GSTCD: variants seen among roughly 807,000 people sequenced by gnomAD.
GSTCD encodes glutathione S-transferase C-terminal domain-containing protein.
GSTCD carries 44 observed loss-of-function variants against 68.3 expected under a neutral mutation model. The ratio of observed to expected loss-of-function variants is 0.64; its 90% CI spans 0.51 to 0.83. The LOEUF is 0.83. Ranked by LOEUF, GSTCD falls within the 40% of genes least tolerant of loss-of-function variation. The probability of loss-of-function intolerance (pLI) is 0.00; values close to 1 mark genes in which losing one functional copy is unlikely to be tolerated. For synonymous variants in GSTCD, 273 were observed against 255.2 expected, an observed-to-expected ratio of 1.07 and a Z score of -0.67; for missense variants, 739 against 735.9, an observed-to-expected ratio of 1.00 and a Z score of -0.05.
intron 10 of GSTCD, among the ~76,000 whole-genome samples, chr4:105,841,151 TA>T (rs1240910726): frequency 2.0e-5 from 3 of 151,418 alleles, no homozygotes; most frequent in Non-Finnish European, 2.9e-5. Flanking sequence ...CTGTCTCTAC[TA>T]AAAAAAATAA....
At chr4:105,710,267 C>G (rs373526628) in intron 1 of GSTCD, among the ~76,000 whole-genome samples, 241 of 118,652 alleles carry the variant, frequency 2.0e-3, no homozygotes, top group African/African-American at 7.4e-3. Context: ...AGCTGGAGTC[C>G]TGCTCTGTCG....
At chr4:105,740,757 G>A (rs1733606168) in intron 5 of GSTCD, among the ~76,000 whole-genome samples, 1 of 151,940 alleles carries the variant, frequency 6.6e-6, no homozygotes, top group Non-Finnish European at 1.5e-5. Context: ...AGTGATTTTT[G>A]TTCCAACTCT....
At chr4:105,819,388 A>C (rs1723163302) in intron 5 of GSTCD, among the ~76,000 whole-genome samples, 1 of 151,796 alleles carries the variant, frequency 6.6e-6, no homozygotes, top group South Asian at 2.1e-4. Flanking sequence ...CAATGCACAT[A>C]CTTTTGCACA....
At chr4:105,748,026 G>A (rs1248719513) in intron 5 of GSTCD, among the ~76,000 whole-genome samples, 5 of 151,984 alleles carry the variant, frequency 3.3e-5, no homozygotes, top group African/African-American at 1.2e-4. Context: ...AAGCTGAGGC[G>A]GGTGGATCAC....
chr4:105,775,319 G>A (rs2553446), intron 5 of GSTCD, among the ~76,000 whole-genome samples: 124,171 of 152,156 alleles, frequency 0.82, 51,020 homozygotes, highest in East Asian at 0.96. Flanking sequence ...GCTTGAAGGC[G>A]TTTGCTATTG....
chr4:105,800,726 T>C (rs946644049), intron 5 of GSTCD, among the ~76,000 whole-genome samples: 7 of 152,184 alleles, frequency 4.6e-5, no homozygotes, highest in Non-Finnish European at 1.0e-4. Flanking sequence ...TTCTCATTAT[T>C]CGTAGTAGTT....
intron 7 of GSTCD, among the ~76,000 whole-genome samples, chr4:105,825,166 G>A (rs979360003): frequency 2.0e-5 from 3 of 152,014 alleles, no homozygotes; most frequent in Non-Finnish European, 2.9e-5. Context: ...TTCTCCCTGC[G>A]ATGCCCAGGC....
chr4:105,732,047 T>C (rs1224550341), intron 5 of GSTCD, among the ~76,000 whole-genome samples: 4 of 152,260 alleles, frequency 2.6e-5, no homozygotes, highest in Admixed American at 2.6e-4. Context: ...TTAAGCCTAC[T>C]TGATCATGGT....
intron 5 of GSTCD, among the ~76,000 whole-genome samples, chr4:105,777,385 G>A (rs539332544): frequency 3.9e-5 from 6 of 152,116 alleles, no homozygotes; most frequent in South Asian, 4.2e-4. Context: ...TCTCATGTAC[G>A]TCCTCAGAAT....
chr4:105,760,473 T>G (rs1317083487), intron 5 of GSTCD, among the ~76,000 whole-genome samples: 2 of 152,218 alleles, frequency 1.3e-5, no homozygotes, highest in Non-Finnish European at 2.9e-5. Flanking sequence ...TTTTACCAAC[T>G]GCATTGCATT....
intron 5 of GSTCD, among the ~76,000 whole-genome samples, chr4:105,784,574 G>A (rs1469358519): frequency 1.3e-5 from 2 of 152,282 alleles, no homozygotes; most frequent in East Asian, 1.9e-4. Flanking sequence ...ATCCATTGAT[G>A]ATTGTTGCCT....
chr4:105,718,987 G>A, intron 2 of GSTCD, 73 bp from the exon 3 acceptor site: 1 of 1,179,506 alleles, frequency 8.5e-7, no homozygotes, highest in Non-Finnish European at 1.2e-6. Context: ...TTCCCAATAA[G>A]ACAGTTATTT....
chr4:105,842,940 CAT>C (rs1387460002), intron 11 of GSTCD, among the ~76,000 whole-genome samples: 1 of 152,130 alleles, frequency 6.6e-6, no homozygotes, highest in African/African-American at 2.4e-5. Context: ...ATACTGGTGT[CAT>C]ATCAGGGTTT....
intron 5 of GSTCD, among the ~76,000 whole-genome samples, chr4:105,764,423 C>A (rs1734529960): frequency 6.6e-6 from 1 of 152,184 alleles, no homozygotes; most frequent in African/African-American, 2.4e-5. Context: ...AATTACTCCT[C>A]TCAGGCTGCC....
chr4:105,821,219 C>T (rs1212614614), intron 5 of GSTCD: 1 of 151,798 alleles, frequency 6.6e-6, no homozygotes, highest in East Asian at 1.9e-4. Flanking sequence ...AAATATAAGG[C>T]ATATTTAGAT....
At chr4:105,763,015 C>A (rs1734471794) in intron 5 of GSTCD, among the ~76,000 whole-genome samples, 1 of 152,122 alleles carries the variant, frequency 6.6e-6, no homozygotes, top group African/African-American at 2.4e-5. Context: ...CCTCATTTAC[C>A]TAATAAACAA....
At chr4:105,748,375 T>C (rs1294852610) in intron 5 of GSTCD, among the ~76,000 whole-genome samples, 7 of 152,220 alleles carry the variant, frequency 4.6e-5, no homozygotes, top group Non-Finnish European at 8.8e-5. Context: ...TTAAATGTTT[T>C]TCATTTCTCT....
At chr4:105,827,265 C>T (rs1236192223) in intron 8 of GSTCD, 1 of 152,174 alleles carries the variant, frequency 6.6e-6, no homozygotes, top group Admixed American at 6.5e-5. Flanking sequence ...CCTCACAAAG[C>T]ATGGAATTTC....
intron 5 of GSTCD, among the ~76,000 whole-genome samples, chr4:105,796,346 T>G (rs1735888411): frequency 6.6e-6 from 1 of 152,158 alleles, no homozygotes; most frequent in Admixed American, 6.5e-5. Context: ...TCCCATGACA[T>G]GTGGGAATTG....
Sources: gnomAD v4.1 joint callset for allele counts (sites outside exome capture counted in the v4.1 genomes callset) on GRCh38, gnomAD v4.1.1 for gene constraint, MANE v1.5 for transcripts, NCBI Gene and HGNC (gene_info 2026-07-23, HGNC 2026-07-21) for gene names.